DLG2: variants seen among roughly 807,000 people sequenced by gnomAD.
DLG2 encodes the protein discs large MAGUK scaffold protein 2.
Under a neutral mutation model 132.5 loss-of-function variants are expected in DLG2, and 45 were observed. The ratio of observed to expected loss-of-function variants is 0.34; its 90% CI spans 0.27 to 0.44. The LOEUF is 0.44. Ranked by LOEUF, DLG2 falls within the 20% of genes least tolerant of loss-of-function variation. The pLI is 1.00. For missense variants in DLG2, 1,045 were observed against 1,196.9 expected, an observed-to-expected ratio of 0.87 and a Z score of 1.87; for synonymous variants, 424 against 419.6, an observed-to-expected ratio of 1.01 and a Z score of -0.13.
At chr11:84,095,533 G>A (rs1351837615) in intron 10 of DLG2, among the ~76,000 whole-genome samples, 1 of 152,202 alleles carries the variant, frequency 6.6e-6, no homozygotes, top group Middle Eastern at 3.2e-3. Context: ...CAACCTCAGT[G>A]TTCCTGTCAC....
At chr11:85,375,155 T>A (rs1178011870) in intron 3 of DLG2, among the ~76,000 whole-genome samples, 1 of 152,090 alleles carries the variant, frequency 6.6e-6, no homozygotes, top group African/African-American at 2.4e-5. Flanking sequence ...TTTCTCTAGT[T>A]GTAATGATAC....
chr11:84,254,689 A>C (rs1052891055), intron 7 of DLG2, among the ~76,000 whole-genome samples: 2 of 152,208 alleles, frequency 1.3e-5, no homozygotes, highest in Non-Finnish European at 2.9e-5. Flanking sequence ...TAAAATAATA[A>C]TTAATAATTT....
chr11:84,696,977 G>C (rs542839510), intron 6 of DLG2, among the ~76,000 whole-genome samples: 5 of 151,440 alleles, frequency 3.3e-5, no homozygotes, highest in African/African-American at 1.2e-4. Flanking sequence ...ATATTAAAGA[G>C]ATTGACTCAG....
chr11:84,150,550 T>C (rs1232168384), intron 9 of DLG2, among the ~76,000 whole-genome samples: 2 of 152,218 alleles, frequency 1.3e-5, no homozygotes, highest in Non-Finnish European at 2.9e-5. Context: ...TAGTTTTCTA[T>C]TCTCTCAGTA....
intron 3 of DLG2, among the ~76,000 whole-genome samples, chr11:85,457,613 C>T (rs1013451550): frequency 1.3e-5 from 2 of 152,078 alleles, no homozygotes; most frequent in African/African-American, 4.8e-5. Flanking sequence ...CCTTTCAGGA[C>T]CTATTGTAAA....
rs555438879 is a variant in DLG2 at position 83,473,598 on chromosome 11, GTC to G, written c.2294-823_2294-822del. ...CAATTTCACCTGCAAACCCGGAAGT[GTC>G]TGCATTTTTTTTTGCATTGACTAAC... On this transcript the variant is annotated intron_variant, in intron 22 of 27. Coordinates refer to ENST00000376104, the MANE Select transcript of DLG2 (RefSeq NM_001142699.3). Among the ~76,000 whole-genome samples, 161 of 152,166 alleles carry G rather than the reference GTC, an allele frequency of 1.1e-3. 2 individuals carry two copies. In the Middle Eastern group the frequency reaches 0.017, roughly 16 times the overall value.
At chr11:84,420,596 T>G (rs2098945433) in intron 7 of DLG2, among the ~76,000 whole-genome samples, 3 of 150,400 alleles carry the variant, frequency 2.0e-5, no homozygotes, top group African/African-American at 7.3e-5. Flanking sequence ...TAGAATGAGA[T>G]TTAATTTGCC....
rs1598424153 is a variant in DLG2, at chr11:85,546,929, G to A, written c.40+51728C>T. The stretch of plus-strand genomic sequence containing the variant: ...ATGTGAGATGGGTTTGCTGAATACA[G>A]CACATCAATGGGTCTTGACTCTTAT... On this transcript the variant is annotated intron_variant, in intron 3 of 27. Transcript: ENST00000376104. 3.4e-5 allele frequency among the ~76,000 whole-genome samples: 5 copies of A among 147,498 alleles called. No homozygotes were observed. In the South Asian group the frequency reaches 1.1e-3, roughly 32 times the overall value.
At chr11:84,504,783 G>A (rs1351285305) in intron 7 of DLG2, among the ~76,000 whole-genome samples, 1 of 151,734 alleles carries the variant, frequency 6.6e-6, no homozygotes, top group Non-Finnish European at 1.5e-5. Flanking sequence ...ACCTTTAGCT[G>A]ATAAAAAGTC....
At chr11:84,279,501 A>T (rs2097828058) in intron 7 of DLG2, among the ~76,000 whole-genome samples, 1 of 152,240 alleles carries the variant, frequency 6.6e-6, no homozygotes, top group Non-Finnish European at 1.5e-5. Context: ...ATAAGGACAA[A>T]TGCACATGTA....
At chr11:83,605,309 A>C (rs1405523546) in intron 19 of DLG2, among the ~76,000 whole-genome samples, 5 of 152,230 alleles carry the variant, frequency 3.3e-5, no homozygotes, top group African/African-American at 9.6e-5. Context: ...AAATTGGTTA[A>C]AATTTTGTGT....
At chr11:84,878,984 G>C (rs1393369149) in intron 6 of DLG2, among the ~76,000 whole-genome samples, 1 of 152,150 alleles carries the variant, frequency 6.6e-6, no homozygotes, top group Non-Finnish European at 1.5e-5. Context: ...GATTACATTT[G>C]TAAAATATGA....
rs543260568 is a variant in DLG2, at chr11:84,663,623, G to A, written c.358-128892C>T. On this transcript the variant is annotated intron_variant, in intron 6 of 27. Coordinates refer to ENST00000376104, the MANE Select transcript of DLG2 (RefSeq NM_001142699.3). ...GAGTGACTCTAGTTTCTTTAGGACTGTCTTAATTTATGACTATTTACTTGG... is the reference window on the plus strand; with the variant it reads ...GAGTGACTCTAGTTTCTTTAGGACTATCTTAATTTATGACTATTTACTTGG... Among the ~76,000 whole-genome samples the A allele has an allele frequency of 2.0e-5, 3 of 152,146 alleles. No individual in the cohort carries two copies. In the East Asian group the frequency reaches 5.8e-4, roughly 29 times the overall value.
chr11:84,223,877 A>G (rs2096952159), intron 8 of DLG2, among the ~76,000 whole-genome samples: 1 of 152,112 alleles, frequency 6.6e-6, no homozygotes, highest in Non-Finnish European at 1.5e-5. Context: ...CCTTTTAATC[A>G]TGCACAAATA....
chr11:83,885,402 A>G (rs2067539808), intron 15 of DLG2, among the ~76,000 whole-genome samples: 1 of 152,234 alleles, frequency 6.6e-6, no homozygotes, highest in African/African-American at 2.4e-5. Flanking sequence ...AGAGAAAAAA[A>G]GAATAAAAAG....
At chr11:84,741,679 C>T (rs981527374) in intron 6 of DLG2, among the ~76,000 whole-genome samples, 16 of 151,798 alleles carry the variant, frequency 1.1e-4, no homozygotes, top group Admixed American at 3.3e-4. Context: ...CCCTATGAAA[C>T]CCACTCCATA....
At chr11:85,336,757 C>A (rs2082161338) in intron 3 of DLG2, among the ~76,000 whole-genome samples, 1 of 152,204 alleles carries the variant, frequency 6.6e-6, no homozygotes, top group Non-Finnish European at 1.5e-5. Context: ...ACAGTTGCTT[C>A]AATCTCCCAG....
intron 9 of DLG2, among the ~76,000 whole-genome samples, chr11:84,133,645 ACTT>A (rs946925853): frequency 2.0e-4 from 30 of 148,232 alleles, no homozygotes; most frequent in Middle Eastern, 7.0e-3. Flanking sequence ...TTCTTCTTCT[ACTT>A]CTTCTTCTTC....
At chr11:84,433,590 T>C (rs1473262764) in intron 7 of DLG2, among the ~76,000 whole-genome samples, 1 of 152,236 alleles carries the variant, frequency 6.6e-6, no homozygotes, top group East Asian at 1.9e-4. Context: ...TTGGTACAAA[T>C]GAACTTTTAA....
Sources: allele counts gnomAD v4.1 joint callset (sites outside exome capture counted in the v4.1 genomes callset), GRCh38; gene constraint gnomAD v4.1.1; transcripts MANE v1.5; gene names NCBI Gene and HGNC (gene_info 2026-07-23, HGNC 2026-07-21).